Variants in FUBP3 observed in about 807,000 individuals in gnomAD.
FUBP3 encodes the protein far upstream element binding protein 3.
Under a neutral mutation model 85.6 loss-of-function variants are expected in FUBP3, and 28 were observed. That is an observed-to-expected ratio of 0.33 (90% CI 0.24 to 0.45). The LOEUF (loss-of-function observed/expected upper bound fraction) is 0.45. Ranked by LOEUF, FUBP3 falls within the 20% of genes least tolerant of loss-of-function variation. The probability of loss-of-function intolerance (pLI) is 1.00; values close to 1 mark genes in which losing one functional copy is unlikely to be tolerated. For missense variants in FUBP3, 583 were observed against 755.1 expected (o/e 0.77, Z 2.67); for synonymous variants, 271 against 271.4 (o/e 1.00, Z 0.01).
At chr9:130,597,952 G>A (rs1012456853) in intron 2 of FUBP3, among the ~76,000 whole-genome samples, 34 of 152,134 alleles carry the variant, frequency 2.2e-4, no homozygotes, top group African/African-American at 8.0e-4. Flanking sequence ...CATATTTAGA[G>A]GGAAGAAAAA....
chr9:130,636,345 G>T, intron 18 of FUBP3: 1 of 655,720 alleles, frequency 1.5e-6, no homozygotes, highest in Admixed American at 2.3e-5. Flanking sequence ...TGGGAGGATT[G>T]GGGGCGCAGC....
At chr9:130,588,301 A>G (rs747910090) in intron 1 of FUBP3, among the ~76,000 whole-genome samples, 21 of 152,298 alleles carry the variant, frequency 1.4e-4, no homozygotes, top group Admixed American at 5.9e-4. Flanking sequence ...TAATACAGAA[A>G]TAGTTGATGA....
In FUBP3 at chr9:130,612,853, A is replaced by AT; in HGVS notation, c.275-101dup. The AT allele has an allele frequency of 1.2e-6, 1 of 824,414 alleles. No homozygotes were observed. Among genetic ancestry groups the AT allele is most frequent in the East Asian group, 2.4e-5 (1 of 41,050 alleles). The allele number at this position is 824,414 out of a possible 1,614,324, so 51.1% of individuals were successfully genotyped here. A position where few individuals can be genotyped will look rare whatever the true frequency, so the allele number is the denominator to read the frequency against. On this transcript the variant is annotated intron_variant, in intron 4 of 18. Transcript: ENST00000319725. The surrounding 1 kb of genome is among the most constrained non-coding windows in gnomAD (Gnocchi z 4.1). ...CACGGGGGCCAACTCGATGTGTAGT[A>AT]TTGTGAGCCAAGTGTCACAGTTTGT...
intron 1 of FUBP3, 81 bp from the exon 2 acceptor site, chr9:130,595,402 C>T: frequency 3.8e-6 from 3 of 796,142 alleles, no homozygotes; most frequent in Non-Finnish European, 6.9e-6. Context: ...GATAATAGCC[C>T]TTTAAAGAGG....
intron 1 of FUBP3, among the ~76,000 whole-genome samples, chr9:130,593,484 CTA>C (rs1375281326): frequency 2.0e-5 from 3 of 152,330 alleles, no homozygotes; most frequent in East Asian, 1.9e-4. Context: ...TTTTCAAAAA[CTA>C]TGAAATATAT....
chr9:130,596,923 G>C (rs1368928009), intron 2 of FUBP3, among the ~76,000 whole-genome samples: 1 of 152,064 alleles, frequency 6.6e-6, no homozygotes, highest in Non-Finnish European at 1.5e-5. Flanking sequence ...AAACAATCCA[G>C]TTACTCTCTT....
chr9:130,604,385 C>T (rs1831314962), intron 2 of FUBP3, among the ~76,000 whole-genome samples: 1 of 152,196 alleles, frequency 6.6e-6, no homozygotes, highest in Non-Finnish European at 1.5e-5. Flanking sequence ...ACCTGGGTCT[C>T]TGTCTCATGT....
intron 2 of FUBP3, among the ~76,000 whole-genome samples, chr9:130,606,318 T>G (rs2119056826): frequency 6.6e-6 from 1 of 152,252 alleles, no homozygotes; most frequent in African/African-American, 2.4e-5. Flanking sequence ...GGGATTGTTT[T>G]CAAAATCTAA....
Position 130,582,904 on chromosome 9 carries a change from C to A in FUBP3, c.84+3140C>A, listed in dbSNP as rs144035925. 8.5e-5 allele frequency among the ~76,000 whole-genome samples: 13 copies of A among 152,300 alleles called. No individual in the cohort carries two copies. The East Asian group carries it at 2.5e-3, about 29-fold the overall frequency. On this transcript the variant is annotated intron_variant, in intron 1 of 18. Coordinates refer to ENST00000319725, the MANE Select transcript of FUBP3 (RefSeq NM_003934.2). ...CAGCTAGCTGTCTGCCAGTCGTCGC[C>A]TAAATAGAAATTGTTCTCCGAGAAA... is the stretch of plus-strand genomic sequence containing the variant.
intron 9 of FUBP3, among the ~76,000 whole-genome samples, chr9:130,621,977 A>T (rs574203461): frequency 6.6e-6 from 1 of 151,818 alleles, no homozygotes; most frequent in East Asian, 1.9e-4. Context: ...GTCCTTTATT[A>T]TATCATTTCC....
At position 130,579,685 on chromosome 9, in the gene FUBP3, C is replaced by A; in HGVS notation, c.5C>A (p.Ala2Glu). The change falls in exon 1 of 19, where the codon GCG becomes GAG. Residue 2 changes from alanine to glutamate, a missense_variant. Physicochemically the swap from Ala to Glu is moderately radical, Grantham distance 107. Transcript: ENST00000319725. ...GCGACGGCGGCGGGGGCGGTAATGG[C>A]GGAGCTGGTGCAGGGGCAGAGCGCT... M[A>E]ELVQGQSAPV... The A allele has an allele frequency of 8.0e-7, 1 of 1,256,450 alleles. No homozygotes were observed. The highest frequency in any genetic ancestry group is 3.9e-5 in the South Asian group (1 of 25,830). 77.8% of individuals were successfully genotyped at this position (1,256,450 alleles called of 1,614,324 possible). A position where few individuals can be genotyped will look rare whatever the true frequency, so the allele number is the denominator to read the frequency against.
intron 1 of FUBP3, among the ~76,000 whole-genome samples, chr9:130,583,224 C>T (rs985983504): frequency 6.6e-6 from 1 of 152,156 alleles, no homozygotes; most frequent in Admixed American, 6.5e-5. Flanking sequence ...TCAGAAGTTC[C>T]ACAGTCCTCC....
chr9:130,611,169 C>T (rs1277514471), intron 3 of FUBP3, among the ~76,000 whole-genome samples: 2 of 152,150 alleles, frequency 1.3e-5, no homozygotes, highest in Admixed American at 1.3e-4. Flanking sequence ...TAGTCAATTC[C>T]CAGGTAATAT....
At position 130,587,071 on chromosome 9, in the gene FUBP3, TG is replaced by T. The variant is rs1228197620; in HGVS notation, c.84+7308del. On this transcript the variant is annotated intron_variant, in intron 1 of 18. Transcript: ENST00000319725. Reference sequence around the variant, plus strand: ...GCGTTTTTTGTTTTTTTTTTTTGTTTGTTTGTTTTTTTGAGATGGAGTCTCA... The same window carrying T: ...GCGTTTTTTGTTTTTTTTTTTTGTTTTTTGTTTTTTTGAGATGGAGTCTCA... Among the ~76,000 whole-genome samples the T allele has an allele frequency of 1.3e-3, 148 of 116,864 alleles. 1 individual carries two copies. The highest frequency in any genetic ancestry group is 5.2e-3 in the African/African-American group (131 of 25,118). The allele number at this position is 116,864 out of a possible 152,430, so 76.7% of individuals were successfully genotyped here.
intron 16 of FUBP3, among the ~76,000 whole-genome samples, chr9:130,632,902 A>G (rs73656029): frequency 0.019 from 2,934 of 152,362 alleles, 104 homozygotes; most frequent in African/African-American, 0.067. Context: ...TGGCCTTCAC[A>G]AAGCAAAGCA....
At chr9:130,592,131 C>CT (rs1830651748) in intron 1 of FUBP3, among the ~76,000 whole-genome samples, 1 of 152,176 alleles carries the variant, frequency 6.6e-6, no homozygotes, top group African/African-American at 2.4e-5. Context: ...ACTCAAGAGG[C>CT]TGAGGCAGGA....
At chr9:130,615,986 G>A (rs912788333) in intron 6 of FUBP3, among the ~76,000 whole-genome samples, 1 of 152,168 alleles carries the variant, frequency 6.6e-6, no homozygotes, top group Admixed American at 6.5e-5. Flanking sequence ...CTGTGAGAAG[G>A]GTCATGTTGG....
At chr9:130,627,755 G>A (rs1004090738) in intron 12 of FUBP3, among the ~76,000 whole-genome samples, 1 of 152,216 alleles carries the variant, frequency 6.6e-6, no homozygotes, top group Non-Finnish European at 1.5e-5. Context: ...GTTGATGCCT[G>A]TAGGTTGACG....
intron 6 of FUBP3, among the ~76,000 whole-genome samples, chr9:130,615,934 C>G (rs1355908148): frequency 6.6e-6 from 1 of 152,312 alleles, no homozygotes; most frequent in Non-Finnish European, 1.5e-5. Context: ...GGCTCTCTCT[C>G]CTGCCTGCAT....
Sources: gnomAD v4.1 joint callset for allele counts (sites outside exome capture counted in the v4.1 genomes callset) on GRCh38, gnomAD v4.1.1 for gene constraint, Gnocchi (gnomAD v3.1) non-coding constraint, MANE v1.5 for transcripts, NCBI Gene and HGNC (gene_info 2026-07-23, HGNC 2026-07-21) for gene names.